Variants in ADAMTS12 observed in about 807,000 individuals in gnomAD.
The protein encoded by ADAMTS12 is ADAM metallopeptidase with thrombospondin type 1 motif 12.
A neutral mutation model predicts 167.8 loss-of-function variants in ADAMTS12; 118 were observed. That is an observed-to-expected ratio of 0.70 (90% CI 0.61 to 0.82). ADAMTS12 has a LOEUF of 0.82. Among genes scored for constraint, ADAMTS12 ranks in the 40% least tolerant of loss-of-function variants. The pLI is 0.00. For synonymous variants in ADAMTS12, 704 were observed against 716.9 expected, an observed-to-expected ratio of 0.98 and a Z score of 0.29; for missense variants, 1,916 against 1,998.8, an observed-to-expected ratio of 0.96 and a Z score of 0.79.
At chr5:33,679,508 T>C (rs1489391761) in intron 5 of ADAMTS12, among the ~76,000 whole-genome samples, 2 of 152,202 alleles carry the variant, frequency 1.3e-5, no homozygotes, top group Non-Finnish European at 2.9e-5. Context: ...TCAGATCTCA[T>C]GAGAACTCTC....
chr5:33,694,846 G>C (rs987211372), intron 3 of ADAMTS12, among the ~76,000 whole-genome samples: 1 of 152,162 alleles, frequency 6.6e-6, no homozygotes, highest in Non-Finnish European at 1.5e-5. Flanking sequence ...ATTATCTTGA[G>C]CTAAGAAAAG....
At chr5:33,670,961 A>G (rs1386711214) in intron 5 of ADAMTS12, among the ~76,000 whole-genome samples, 1 of 152,234 alleles carries the variant, frequency 6.6e-6, no homozygotes, top group East Asian at 1.9e-4. Context: ...GGTACATATC[A>G]TAGAATACCA....
In ADAMTS12 at chr5:33,719,618, C is replaced by G. The variant is rs144735771; in HGVS notation, c.634+31786G>C. 2.1e-4 allele frequency among the ~76,000 whole-genome samples: 32 copies of G among 152,338 alleles called. 1 individual carries two copies. The highest frequency in any genetic ancestry group is 7.0e-4 in the African/African-American group (29 of 41,584). On this transcript the variant is annotated intron_variant, in intron 3 of 23. Coordinates refer to ENST00000504830, the MANE Select transcript of ADAMTS12 (RefSeq NM_030955.4). ...CACAGCACCATCAGCACCTAAGAATCTTAAGGGGGTTCATCCTGCCAAGTG... is the reference window on the plus strand; with the variant it reads ...CACAGCACCATCAGCACCTAAGAATGTTAAGGGGGTTCATCCTGCCAAGTG...
At chr5:33,733,967 C>T (rs1007960753) in intron 3 of ADAMTS12, among the ~76,000 whole-genome samples, 1 of 149,940 alleles carries the variant, frequency 6.7e-6, no homozygotes, top group African/African-American at 2.5e-5. Flanking sequence ...ACACCCAGAC[C>T]CATCTGATGT....
At chr5:33,640,406 C>T (rs1203215799) in intron 11 of ADAMTS12, among the ~76,000 whole-genome samples, 5 of 152,170 alleles carry the variant, frequency 3.3e-5, no homozygotes, top group Non-Finnish European at 5.9e-5. Context: ...ACCAACCTGC[C>T]AAGAACTTTC....
intron 13 of ADAMTS12, among the ~76,000 whole-genome samples, chr5:33,625,460 C>T (rs747150613): frequency 6.6e-6 from 1 of 152,174 alleles, no homozygotes; most frequent in Non-Finnish European, 1.5e-5. Flanking sequence ...CTGACATCTA[C>T]AACCACATTC....
intron 19 of ADAMTS12, among the ~76,000 whole-genome samples, chr5:33,571,301 C>A (rs2111936508): frequency 6.6e-6 from 1 of 152,234 alleles, no homozygotes; most frequent in East Asian, 1.9e-4. Context: ...ACATTTTTTT[C>A]AGCACCACAC....
chr5:33,696,696 G>C (rs1742791317), intron 3 of ADAMTS12, among the ~76,000 whole-genome samples: 1 of 152,126 alleles, frequency 6.6e-6, no homozygotes, highest in South Asian at 2.1e-4. Flanking sequence ...CTGGGAGGCT[G>C]CTTCCAAGAT....
At chr5:33,829,769 C>T (rs553607816) in intron 2 of ADAMTS12, among the ~76,000 whole-genome samples, 2 of 152,190 alleles carry the variant, frequency 1.3e-5, no homozygotes, top group African/African-American at 2.4e-5. Flanking sequence ...TCGGAAAGTA[C>T]AAATTCTCCT....
At chr5:33,596,119 C>T (rs10461703) in intron 16 of ADAMTS12, 59 bp from the exon 17 acceptor site, 854,539 of 1,595,736 alleles carry the variant, frequency 0.54, 231,615 homozygotes, top group Middle Eastern at 0.64. Flanking sequence ...TGCTCATGGT[C>T]AGGTGAGGTA....
At chr5:33,607,266 G>A (rs6873674) in intron 16 of ADAMTS12, among the ~76,000 whole-genome samples, 87,927 of 151,634 alleles carry the variant, frequency 0.58, 25,754 homozygotes, top group East Asian at 0.82. Flanking sequence ...AACAAAAAGT[G>A]AAACATCTGG....
chr5:33,863,091 G>C lies in ADAMTS12; in HGVS notation c.489+18028C>G, dbSNP rs183684438. 3.2e-3 allele frequency among the ~76,000 whole-genome samples: 485 copies of C among 152,252 alleles called. 2 individuals carry two copies. The highest frequency in any genetic ancestry group is 0.011 in the African/African-American group (455 of 41,544). ...AGAAACCCACAGCCAATATCATACT[G>C]AATGGGCAAAAGCTGGAAGCATTCC... On this transcript the variant is annotated intron_variant, in intron 2 of 23. Transcript: ENST00000504830.
At chr5:33,681,015 A>G (rs2112257098) in intron 5 of ADAMTS12, among the ~76,000 whole-genome samples, 1 of 152,360 alleles carries the variant, frequency 6.6e-6, no homozygotes, top group Non-Finnish European at 1.5e-5. Flanking sequence ...TGCCCCAATC[A>G]ATGGTAAACA....
At chr5:33,877,332 C>A (rs1420323458) in intron 2 of ADAMTS12, among the ~76,000 whole-genome samples, 1 of 152,112 alleles carries the variant, frequency 6.6e-6, no homozygotes, top group African/African-American at 2.4e-5. Context: ...AAATCAGAAC[C>A]CCAATCCTGT....
At chr5:33,764,228 G>A (rs1181563926) in intron 2 of ADAMTS12, among the ~76,000 whole-genome samples, 7 of 152,140 alleles carry the variant, frequency 4.6e-5, no homozygotes, top group Admixed American at 4.6e-4. Context: ...TTAATTATTA[G>A]AAATCTCTTC....
At chr5:33,567,315 C>G (rs1258881679) in intron 19 of ADAMTS12, among the ~76,000 whole-genome samples, 3 of 152,164 alleles carry the variant, frequency 2.0e-5, no homozygotes, top group African/African-American at 7.2e-5. Flanking sequence ...GACCTTATTG[C>G]CATTAACTAA....
chr5:33,738,828 G>A (rs899045495), intron 3 of ADAMTS12, among the ~76,000 whole-genome samples: 4 of 152,216 alleles, frequency 2.6e-5, no homozygotes, highest in Admixed American at 1.3e-4. Context: ...CTGGTTTCCC[G>A]TGCAATGTCT....
intron 12 of ADAMTS12, among the ~76,000 whole-genome samples, chr5:33,636,491 T>C (rs375757861): frequency 7.2e-5 from 11 of 152,246 alleles, no homozygotes; most frequent in East Asian, 5.8e-4. Context: ...CACCAAACGA[T>C]TGGGGGCAAG....
rs73758597 is a variant in ADAMTS12 at position 33,566,846 on chromosome 5, A to G, written c.3973-5667T>C. 9.1e-3 allele frequency among the ~76,000 whole-genome samples: 1,389 copies of G among 152,320 alleles called. 26 individuals are homozygous for G. Among genetic ancestry groups the G allele is most frequent in the African/African-American group, 0.032 (1,323 of 41,578 alleles). On this transcript the variant is annotated intron_variant, in intron 19 of 23. Coordinates refer to ENST00000504830, the MANE Select transcript of ADAMTS12 (RefSeq NM_030955.4). The stretch of plus-strand genomic sequence containing the variant: ...AGGCAGAAGTGATTTGTTCCACTTC[A>G]AGGCTTGGAGCATACAACTTCCTGC...
Sources: gnomAD v4.1 joint callset for allele counts (sites outside exome capture counted in the v4.1 genomes callset) on GRCh38, gnomAD v4.1.1 for gene constraint, MANE v1.5 for transcripts, NCBI Gene and HGNC (gene_info 2026-07-23, HGNC 2026-07-21) for gene names.